Variants in GRIK1 observed in about 807,000 individuals in gnomAD.
GRIK1 encodes glutamate ionotropic receptor kainate type subunit 1.
GRIK1 carries 69 observed loss-of-function variants against 105.7 expected under a neutral mutation model. The ratio of observed to expected loss-of-function variants is 0.65; its 90% CI spans 0.54 to 0.80. The LOEUF (loss-of-function observed/expected upper bound fraction) is 0.80, where lower values mean the gene tolerates loss of function less well. Ranked by LOEUF, GRIK1 falls within the 30% of genes least tolerant of loss-of-function variation. The pLI is 0.00. For missense variants in GRIK1, 1,109 were observed against 1,167.3 expected, an observed-to-expected ratio of 0.95 and a Z score of 0.73; for synonymous variants, 438 against 431.3, an observed-to-expected ratio of 1.02 and a Z score of -0.19.
chr21:29,862,571 A>C (rs555833656), intron 1 of GRIK1, among the ~76,000 whole-genome samples: 25 of 152,140 alleles, frequency 1.6e-4, no homozygotes, highest in Non-Finnish European at 2.8e-4. Flanking sequence ...GTCATCCATC[A>C]TGAGGTGTGG....
intron 1 of GRIK1, among the ~76,000 whole-genome samples, chr21:29,724,602 T>G (rs1289449470): frequency 6.6e-6 from 1 of 152,230 alleles, no homozygotes; most frequent in Non-Finnish European, 1.5e-5. Context: ...ACTGTTGACT[T>G]CTTTTTAAAG....
At chr21:29,735,119 C>T (rs2064756533) in intron 1 of GRIK1, among the ~76,000 whole-genome samples, 1 of 152,192 alleles carries the variant, frequency 6.6e-6, no homozygotes, top group African/African-American at 2.4e-5. Flanking sequence ...TTCCATCTCC[C>T]CAACAAGAAC....
intron 7 of GRIK1, chr21:29,630,553 A>G (rs866702830): frequency 1.3e-5 from 6 of 471,792 alleles, no homozygotes; most frequent in East Asian, 6.9e-5. Flanking sequence ...CAAGCTGCCA[A>G]TAATGTCTGC....
At chr21:29,890,959 C>A (rs1357710546) in intron 1 of GRIK1, among the ~76,000 whole-genome samples, 2 of 152,114 alleles carry the variant, frequency 1.3e-5, no homozygotes, top group African/African-American at 2.4e-5. Flanking sequence ...TATAAATTAT[C>A]TGTATCAAGA....
At chr21:29,801,857 A>T (rs971436284) in intron 1 of GRIK1, among the ~76,000 whole-genome samples, 1 of 151,458 alleles carries the variant, frequency 6.6e-6, no homozygotes, top group African/African-American at 2.4e-5. Flanking sequence ...GACTCTACCC[A>T]CTCTCTTTTT....
At chr21:29,867,792 C>A (rs979542653) in intron 1 of GRIK1, among the ~76,000 whole-genome samples, 3 of 97,922 alleles carry the variant, frequency 3.1e-5, no homozygotes, top group Non-Finnish European at 5.7e-5. Flanking sequence ...GAAACTATGT[C>A]GAAAGAAGAA....
rs372225729 is a variant in GRIK1 at position 29,598,884 on chromosome 21, C to G, written c.1152G>C (p.Leu384Phe). The G allele has an allele frequency of 1.2e-5, 19 of 1,601,836 alleles. No individual in the cohort carries two copies. The highest frequency in any genetic ancestry group is 1.4e-5 in the Non-Finnish European group (16 of 1,171,590). ...TAATGTCCAGATCAAAATCCTTCCT[C>G]AAGCCATTGGTTTTATTAAAGGTGA... ...GHITFNKTNG[L>F]RKDFDLDIIS... The change falls in exon 8 of 18, where the codon TTG (leucine) becomes TTC (phenylalanine). Residue 384 changes from leucine to phenylalanine, a missense_variant. Leu to Phe is a conservative substitution (Grantham distance 22). Around this residue, in one of 5 missense-constraint regions of GRIK1, gnomAD observed 612 missense variants for 586.0 expected, o/e 1.04. Coordinates refer to ENST00000327783, the MANE Select transcript of GRIK1 (RefSeq NM_001330994.2).
chr21:29,882,445 G>A (rs1322400319), intron 1 of GRIK1, among the ~76,000 whole-genome samples: 3 of 151,980 alleles, frequency 2.0e-5, no homozygotes, highest in African/African-American at 7.2e-5. Context: ...AATACTCCAC[G>A]ATTGAGAAGA....
At chr21:29,729,997 A>C (rs556089656) in intron 1 of GRIK1, among the ~76,000 whole-genome samples, 1 of 152,318 alleles carries the variant, frequency 6.6e-6, no homozygotes, top group African/African-American at 2.4e-5. Context: ...TGACTTCGAC[A>C]CTATTATAGC....
chr21:29,715,875 T>C (rs1326022740), intron 1 of GRIK1, among the ~76,000 whole-genome samples: 2 of 152,062 alleles, frequency 1.3e-5, no homozygotes, highest in African/African-American at 4.8e-5. Context: ...TTACAATACA[T>C]TACTTTACAA....
intron 1 of GRIK1, among the ~76,000 whole-genome samples, chr21:29,738,392 G>A (rs191616163): frequency 6.6e-6 from 1 of 152,304 alleles, no homozygotes; most frequent in African/African-American, 2.4e-5. Context: ...AGTTTTTGAG[G>A]TGTTACCTCC....
intron 1 of GRIK1, among the ~76,000 whole-genome samples, chr21:29,706,353 G>T (rs1454701161): frequency 6.6e-6 from 1 of 152,122 alleles, no homozygotes; most frequent in Non-Finnish European, 1.5e-5. Context: ...CATCTAAAAA[G>T]CTGACAGCAT....
chr21:29,651,315 C>G (rs2062731822), intron 5 of GRIK1, 24 bp from the exon 6 acceptor site: 2 of 1,508,830 alleles, frequency 1.3e-6, no homozygotes, highest in Non-Finnish European at 1.8e-6. Context: ...AAAAGGATAA[C>G]AGTGGAAAAT....
intron 1 of GRIK1, among the ~76,000 whole-genome samples, chr21:29,878,087 A>T (rs1193487359): frequency 6.6e-6 from 1 of 152,160 alleles, no homozygotes; most frequent in Non-Finnish European, 1.5e-5. Flanking sequence ...GACAGGCTGA[A>T]GTAAGGGTAT....
At chr21:29,938,865 A>G (rs2071868337) in intron 1 of GRIK1, among the ~76,000 whole-genome samples, 1 of 152,180 alleles carries the variant, frequency 6.6e-6, no homozygotes, top group Admixed American at 6.5e-5. Context: ...ACTTAGGCAT[A>G]AAAACTTGGA....
At chr21:29,728,241 A>C (rs1318191090) in intron 1 of GRIK1, among the ~76,000 whole-genome samples, 1 of 152,210 alleles carries the variant, frequency 6.6e-6, no homozygotes, top group Non-Finnish European at 1.5e-5. Context: ...TTGTAATAGC[A>C]TCCACACAAT....
chr21:29,641,196 C>A (rs2062502632), intron 7 of GRIK1, among the ~76,000 whole-genome samples: 2 of 151,986 alleles, frequency 1.3e-5, no homozygotes, highest in African/African-American at 4.8e-5. Context: ...TTGGTGTGTC[C>A]CCACCCAAAT....
chr21:29,838,184 C>A (rs1022253991), intron 1 of GRIK1, among the ~76,000 whole-genome samples: 2 of 152,036 alleles, frequency 1.3e-5, no homozygotes, highest in East Asian at 3.9e-4. Context: ...AGGAATCAGC[C>A]CTTGATTCAG....
At chr21:29,764,858 TAAC>T (rs1434722407) in intron 1 of GRIK1, among the ~76,000 whole-genome samples, 1 of 152,164 alleles carries the variant, frequency 6.6e-6, no homozygotes, top group Non-Finnish European at 1.5e-5. Flanking sequence ...ACCTTATCCT[TAAC>T]AAGCTAGATA....
Sources: gnomAD v4.1 joint callset for allele counts (sites outside exome capture counted in the v4.1 genomes callset) on GRCh38, gnomAD v4.1.1 for gene constraint, gnomAD v4.1.1 regional missense constraint, MANE v1.5 for transcripts, NCBI Gene and HGNC (gene_info 2026-07-23, HGNC 2026-07-21) for gene names.